Variants in MYH11 observed in about 807,000 individuals in gnomAD.
MYH11 encodes the protein myosin heavy chain 11.
Under a neutral mutation model 246.6 loss-of-function variants are expected in MYH11, and 80 were observed. The observed-to-expected ratio is 0.32, with a 90% CI of 0.27 to 0.39. The LOEUF (loss-of-function observed/expected upper bound fraction) is 0.39. Ranked by LOEUF, MYH11 falls within the 10% of genes least tolerant of loss-of-function variation. MYH11 has a pLI of 1.00. For synonymous variants in MYH11, 1,071 were observed against 1,015.5 expected (o/e 1.05, Z -1.04); for missense variants, 2,158 against 2,546.8 (o/e 0.85, Z 3.29).
chr16:15,764,878 A>G (rs1374932100), intron 9 of MYH11, among the ~76,000 whole-genome samples: 3 of 152,216 alleles, frequency 2.0e-5, no homozygotes, highest in Non-Finnish European at 4.4e-5. Context: ...CCATGTTGGG[A>G]TGAAGAAGAT....
chr16:15,778,204 C>T (rs1477040410), intron 7 of MYH11, among the ~76,000 whole-genome samples: 1 of 152,210 alleles, frequency 6.6e-6, no homozygotes, highest in Non-Finnish European at 1.5e-5. Context: ...AGATGCTCTA[C>T]TTGTTCCTTG....
chr16:15,798,994 G>A (rs2042819253), intron 3 of MYH11, among the ~76,000 whole-genome samples: 1 of 152,200 alleles, frequency 6.6e-6, no homozygotes, highest in Admixed American at 6.5e-5. Flanking sequence ...CCCAGATTAG[G>A]TTAGGGACCA....
chr16:15,718,762 G>C, intron 36 of MYH11: 1 of 461,558 alleles, frequency 2.2e-6, no homozygotes, highest in Non-Finnish European at 4.0e-6. Context: ...GCATGAAAGC[G>C]CTGACGGAAA....
In MYH11 at chr16:15,718,334, A is replaced by C; in HGVS notation, c.5276T>G (p.Val1759Gly). The C allele has an allele frequency of 6.2e-7, 1 of 1,608,940 alleles. No individual in the cohort carries two copies. Among genetic ancestry groups the C allele is most frequent in the Non-Finnish European group, 8.5e-7 (1 of 1,179,920 alleles). The change falls in exon 37 of 41, where the codon GTC (valine) becomes GGC (glycine). Residue 1759 changes from valine to glycine, a missense_variant. Transcript: ENST00000300036. ...CCTCACCTGCTGTGTGGCTTTGCGG[A>C]CCCGGTCGCTCATGGCCTCCATGTT... Reference protein sequence around the residue: ...QGNMEAMSDRVRKATQQAEQL... With the variant: ...QGNMEAMSDRGRKATQQAEQL...
At chr16:15,721,681 G>T in intron 31 of MYH11, 47 bp from the exon 32 acceptor site, 13 of 1,597,924 alleles carry the variant, frequency 8.1e-6, no homozygotes, top group Non-Finnish European at 1.1e-5. Context: ...TCCGGGGTCA[G>T]CGTCACTGAA....
In MYH11 at chr16:15,724,152, G is replaced by A. The variant is rs571613839; in HGVS notation, c.4365+9C>T. On this transcript the variant is annotated intron_variant, in intron 31 of 40. Coordinates refer to ENST00000300036, the MANE Select transcript of MYH11 (RefSeq NM_002474.3). The stretch of plus-strand genomic sequence containing the variant: ...ATGGCCAGAGTGGGGGACACCCCAC[G>A]CCCTCTACCTGATCAAATTTCCTCT... 33 of 1,612,584 alleles carry A rather than the reference G, an allele frequency of 2.0e-5. No individual in the cohort carries two copies. Among genetic ancestry groups the A allele is most frequent in the East Asian group, 1.1e-4 (5 of 44,888 alleles).
chr16:15,829,184 GAA>G (rs34486570), intron 2 of MYH11, among the ~76,000 whole-genome samples: 253 of 125,140 alleles, frequency 2.0e-3, no homozygotes, highest in Middle Eastern at 0.016. Flanking sequence ...CTGTCTCAAA[GAA>G]AAAAAAAAAA....
rs773341018 is a variant in MYH11, at chr16:15,830,784, G to A, written c.345+7124C>T. Among the ~76,000 whole-genome samples the A allele has an allele frequency of 4.1e-4, 63 of 152,154 alleles. 1 individual carries two copies. The highest frequency in any genetic ancestry group is 1.4e-3 in the Admixed American group (22 of 15,290). ...TCCCAGCTACTCAGGAGGCTGGGGC[G>A]GGATGATCGCTTGAATCCAGAAGGC... On this transcript the variant is annotated intron_variant, in intron 2 of 40. Coordinates refer to ENST00000300036, the MANE Select transcript of MYH11 (RefSeq NM_002474.3).
intron 40 of MYH11, among the ~76,000 whole-genome samples, chr16:15,705,719 C>T (rs2039411885): frequency 6.6e-6 from 1 of 152,116 alleles, no homozygotes; most frequent in African/African-American, 2.4e-5. Flanking sequence ...TGGTGGCTCA[C>T]ACCTGTAATC....
chr16:15,722,749 T>G (rs529407756), intron 31 of MYH11, among the ~76,000 whole-genome samples: 1 of 152,206 alleles, frequency 6.6e-6, no homozygotes, highest in South Asian at 2.1e-4. Context: ...CCTCATTTTA[T>G]TTATTTTTGA....
chr16:15,832,949 T>G (rs1391637264), intron 2 of MYH11, among the ~76,000 whole-genome samples: 11 of 9,890 alleles, frequency 1.1e-3, no homozygotes, highest in African/African-American at 9.7e-3. Flanking sequence ...TCATCTTTTT[T>G]TTTTTTTTTT....
At chr16:15,783,154 G>A (rs1014924488) in intron 5 of MYH11, 2 of 152,602 alleles carry the variant, frequency 1.3e-5, no homozygotes, top group Admixed American at 6.5e-5. Context: ...TTGCACAAAC[G>A]CGGTCACGTG....
At chr16:15,843,547 G>T (rs1007370211) in intron 1 of MYH11, among the ~76,000 whole-genome samples, 3 of 150,764 alleles carry the variant, frequency 2.0e-5, no homozygotes, top group African/African-American at 7.3e-5. Context: ...AAAAAAATTA[G>T]CCGGGCGTGG....
Position 15,778,828 on chromosome 16 carries a change from T to C in MYH11, c.742A>G (p.Ile248Val). Reference sequence around the variant, plus strand: ...ATGTAACCCGTGACGTCGAAGTTGATGCGGATGAATTTGCCCTGCCAACAG... The same window carrying C: ...ATGTAACCCGTGACGTCGAAGTTGACGCGGATGAATTTGCCCTGCCAACAG... Reference protein sequence around the residue: ...NSSRFGKFIRINFDVTGYIVG... With the variant: ...NSSRFGKFIRVNFDVTGYIVG... Residue 248 changes from isoleucine (I) to valine (V), a missense_variant, in exon 7 of 41, where the codon ATC (isoleucine) becomes GTC (valine). By Grantham distance (29) the Ile-to-Val change is conservative. Coordinates refer to ENST00000300036, the MANE Select transcript of MYH11 (RefSeq NM_002474.3). The C allele has an allele frequency of 6.2e-7, 1 of 1,614,068 alleles. No individual in the cohort carries two copies. The highest frequency in any genetic ancestry group is 8.5e-7 in the Non-Finnish European group (1 of 1,180,030).
chr16:15,738,833 G>A, intron 23 of MYH11, 145 bp from the exon 24 acceptor site: 1 of 1,006,294 alleles, frequency 9.9e-7, no homozygotes, highest in Non-Finnish European at 1.5e-6. Flanking sequence ...ATGGTAAAGA[G>A]AAGTCCCATA....
chr16:15,728,989 C>A (rs1011201200), intron 27 of MYH11, among the ~76,000 whole-genome samples: 1 of 151,962 alleles, frequency 6.6e-6, no homozygotes, highest in African/African-American at 2.4e-5. Flanking sequence ...GCAAGTATCC[C>A]GAGAGGACGA....
chr16:15,833,129 T>A (rs2043787574), intron 2 of MYH11, among the ~76,000 whole-genome samples: 1 of 151,246 alleles, frequency 6.6e-6, no homozygotes, highest in Admixed American at 6.6e-5. Context: ...TGACCCCACC[T>A]CTACCAAAAA....
At position 15,806,279 on chromosome 16, in the gene MYH11, CAAAAAAAAAAAAAAAAA is replaced by C. The variant is rs71134463; in HGVS notation, c.503-7609_503-7593del. On this transcript the variant is annotated intron_variant, in intron 3 of 40. Coordinates refer to ENST00000300036, the MANE Select transcript of MYH11 (RefSeq NM_002474.3). Reference sequence around the variant, plus strand: ...GCGAGTGCAGTGAGACACTCTGTCTCAAAAAAAAAAAAAAAAAAAAAAAAAAAAAAAAAAAAGAAGCC... The same window carrying C: ...GCGAGTGCAGTGAGACACTCTGTCTCAAAAAAAAAAAAAAAAAAAGAAGCC... 1.5e-3 allele frequency among the ~76,000 whole-genome samples: 90 copies of C among 61,126 alleles called. 1 individual carries two copies. Among genetic ancestry groups the C allele is most frequent in the South Asian group, 7.9e-3 (12 of 1,514 alleles). 40.1% of individuals were successfully genotyped at this position (61,126 alleles called of 152,430 possible).
chr16:15,781,005 G>A (rs925469877), intron 6 of MYH11, among the ~76,000 whole-genome samples: 2 of 152,158 alleles, frequency 1.3e-5, no homozygotes, highest in African/African-American at 4.8e-5. Context: ...AGACCTAAGT[G>A]TCTGTCTCTT....
Sources: gnomAD v4.1 joint callset for allele counts (sites outside exome capture counted in the v4.1 genomes callset) on GRCh38, gnomAD v4.1.1 for gene constraint, MANE v1.5 for transcripts, NCBI Gene and HGNC (gene_info 2026-07-23, HGNC 2026-07-21) for gene names.